Variants in MCM9 observed in about 807,000 individuals in gnomAD.
The protein encoded by MCM9 is minichromosome maintenance 9 homologous recombination repair factor, also known as DNA helicase MCM9.
In MCM9, 55 loss-of-function variants were observed where a neutral mutation model predicts 72.8. The ratio of observed to expected loss-of-function variants is 0.76; its 90% CI spans 0.61 to 0.95. The LOEUF (loss-of-function observed/expected upper bound fraction) is 0.95. Among genes scored for constraint, MCM9 ranks in the 40% least tolerant of loss-of-function variants. The pLI is 0.00. For synonymous variants in MCM9, 480 were observed against 503.4 expected, an observed-to-expected ratio of 0.95 and a Z score of 0.62; for missense variants, 1,279 against 1,377.0, an observed-to-expected ratio of 0.93 and a Z score of 1.13.
intron 9 of MCM9, among the ~76,000 whole-genome samples, chr6:118,830,457 TTAAAAAA>T (rs1333426297): frequency 2.6e-5 from 4 of 152,186 alleles, no homozygotes; most frequent in Non-Finnish European, 5.9e-5. Context: ...AAATTCCCTT[TTAAAAAA>T]TTAGTGACAA....
chr6:118,862,536 A>T (rs892186035), intron 8 of MCM9, among the ~76,000 whole-genome samples: 1 of 152,182 alleles, frequency 6.6e-6, no homozygotes, highest in Non-Finnish European at 1.5e-5. Context: ...CAGGCATTAG[A>T]TTCTCATAAG....
chr6:118,895,375 A>G (rs1341938916), intron 8 of MCM9, among the ~76,000 whole-genome samples: 1 of 152,202 alleles, frequency 6.6e-6, no homozygotes, highest in Non-Finnish European at 1.5e-5. Flanking sequence ...TGAGGTAGGA[A>G]GTTACATTTA....
chr6:118,856,299 A>G, intron 9 of MCM9, 72 bp downstream of exon 9: 1 of 1,416,982 alleles, frequency 7.1e-7, no homozygotes, highest in South Asian at 1.4e-5. Flanking sequence ...ATAGCTCAAC[A>G]AGGTTCACAT....
chr6:118,923,892 G>A lies in MCM9; in HGVS notation c.540C>T (p.Ser180=). 6.2e-7 allele frequency: 1 copy of A among 1,614,190 alleles called. No individual in the cohort carries two copies. Among genetic ancestry groups the A allele is most frequent in the Non-Finnish European group, 8.5e-7 (1 of 1,180,028 alleles). ...AGCCTGAGAGGCAAGTGAATTTAGA[G>A]GAATCACAGCTCTCCAAGCTGGGAC... ...SSCPSLESCD[S]SKFTCLSGLS... Residue 180 remains serine, a synonymous_variant, in exon 4 of 14, where the codon TCC becomes TCT. Transcript: ENST00000619706.
chr6:118,849,904 A>G (rs1776115608), intron 9 of MCM9, among the ~76,000 whole-genome samples: 1 of 151,906 alleles, frequency 6.6e-6, no homozygotes, highest in Non-Finnish European at 1.5e-5. Flanking sequence ...CATAGGAAGG[A>G]CAAATCAGAA....
intron 9 of MCM9, among the ~76,000 whole-genome samples, chr6:118,843,655 T>TATATATATACAC (rs1491542240): frequency 3.4e-4 from 13 of 38,598 alleles, no homozygotes; most frequent in African/African-American, 8.9e-4. Context: ...TATATATATA[T>TATATATATACAC]GTGTATATAT....
rs1780566325 is a variant in MCM9 at position 118,911,721 on chromosome 6, T to C, written c.1079A>G (p.Gln360Arg). The C allele has an allele frequency of 6.2e-7, 1 of 1,613,618 alleles. No individual in the cohort carries two copies. The highest frequency in any genetic ancestry group is 8.5e-7 in the Non-Finnish European group (1 of 1,179,854). ...LVGDPGTGKS[Q>R]FLKYAAKITP... ...AATCTTTGCTGCATATTTGAGGAACTGAGATTTCCCTGTGCCAGGATCCCC... is the reference window on the plus strand; with the variant it reads ...AATCTTTGCTGCATATTTGAGGAACCGAGATTTCCCTGTGCCAGGATCCCC... Residue 360 changes from glutamine to arginine, a missense_variant, in exon 8 of 14, where the codon CAG becomes CGG. By Grantham distance (43) the Gln-to-Arg change is conservative. Transcript: ENST00000619706.
intron 8 of MCM9, among the ~76,000 whole-genome samples, chr6:118,895,911 C>T (rs1020572844): frequency 6.6e-6 from 1 of 151,894 alleles, no homozygotes; most frequent in African/African-American, 2.4e-5. Flanking sequence ...AATTATAAAA[C>T]AATATATATT....
At chr6:118,844,109 T>C (rs1775695621) in intron 9 of MCM9, among the ~76,000 whole-genome samples, 1 of 151,804 alleles carries the variant, frequency 6.6e-6, no homozygotes, top group Non-Finnish European at 1.5e-5. Flanking sequence ...AAGTGTTCCC[T>C]TTGCACACTT....
chr6:118,923,268 T>C (rs9401098), intron 4 of MCM9, among the ~76,000 whole-genome samples: 11,028 of 150,928 alleles, frequency 0.073, 629 homozygotes, highest in East Asian at 0.25. Context: ...ACTCCATATC[T>C]TGTTCACTCC....
intron 9 of MCM9, among the ~76,000 whole-genome samples, chr6:118,842,083 T>C (rs1742995896): frequency 6.6e-6 from 1 of 152,226 alleles, no homozygotes; most frequent in Admixed American, 6.5e-5. Context: ...TCCACCCGCC[T>C]CTGCCTCACA....
intron 4 of MCM9, among the ~76,000 whole-genome samples, chr6:118,923,512 TTTCTTCTA>T (rs1487135228): frequency 2.0e-5 from 3 of 152,226 alleles, no homozygotes; most frequent in Non-Finnish European, 4.4e-5. Flanking sequence ...GAACATTAAT[TTTCTTCTA>T]TTCTTCAGTT....
Position 118,814,883 on chromosome 6 carries a change from C to CTGGTAAAG in MCM9, c.3365_3372dup (p.Glu1125LeufsTer5). On this transcript the variant is annotated frameshift_variant, in exon 14 of 14. Coordinates refer to ENST00000619706, the MANE Select transcript of MCM9 (RefSeq NM_017696.3). LOFTEE classifies it high-confidence loss of function. ...CAATCAAATGCTTCATCACCTAGTT[C>CTGGTAAAG]TGGTAAAGTGAAGAGGGATTCTTTG... 6.5e-7 allele frequency: 1 copy of CTGGTAAAG among 1,544,786 alleles called. No homozygotes were observed. The highest frequency in any genetic ancestry group is 8.7e-7 in the Non-Finnish European group (1 of 1,144,844).
intron 4 of MCM9, 61 bp downstream of exon 4, chr6:118,923,750 T>C (rs1045334772): frequency 1.4e-6 from 2 of 1,421,460 alleles, no homozygotes. Context: ...ATCCTCCCAA[T>C]GTGCCCATAG....
chr6:118,928,177 G>A (rs1782057713), intron 3 of MCM9, among the ~76,000 whole-genome samples: 1 of 152,182 alleles, frequency 6.6e-6, no homozygotes, highest in Non-Finnish European at 1.5e-5. Flanking sequence ...TGGGGAGGCT[G>A]AGGTGGGCGG....
At chr6:118,932,074 C>A (rs1397279501) in intron 2 of MCM9, among the ~76,000 whole-genome samples, 1 of 152,186 alleles carries the variant, frequency 6.6e-6, no homozygotes, top group African/African-American at 2.4e-5. Context: ...CATTTCCGGA[C>A]TGCACTTATA....
In MCM9 at chr6:118,931,756, GATC is replaced by G; in HGVS notation, c.-15-21_-15-19del. On this transcript the variant is annotated intron_variant, in intron 2 of 13. Coordinates refer to ENST00000619706, the MANE Select transcript of MCM9 (RefSeq NM_017696.3). ...CTAGGTAACTAAAGAAAAAAAAAAG[GATC>G]ATATTATATATTTGATACTCAAGAT... The G allele has an allele frequency of 5.9e-6, 9 of 1,523,912 alleles. No homozygotes were observed. Among genetic ancestry groups the G allele is most frequent in the Non-Finnish European group, 8.0e-6 (9 of 1,130,536 alleles). The allele number at this position is 1,523,912 out of a possible 1,614,324, so 94.4% of individuals were successfully genotyped here. A position where few individuals can be genotyped will look rare whatever the true frequency, so the allele number is the denominator to read the frequency against.
intron 8 of MCM9, chr6:118,907,682 G>GTCC: frequency 8.0e-7 from 1 of 1,255,176 alleles, no homozygotes; most frequent in Non-Finnish European, 1.1e-6. Flanking sequence ...CTGAAATTCC[G>GTCC]TAAGTACATA....
intron 8 of MCM9, among the ~76,000 whole-genome samples, chr6:118,862,992 T>G (rs1449438991): frequency 6.6e-6 from 1 of 152,172 alleles, no homozygotes; most frequent in African/African-American, 2.4e-5. Context: ...TTAAAAGAAG[T>G]TCTTCAGAGA....
Sources: gnomAD v4.1 joint callset for allele counts (sites outside exome capture counted in the v4.1 genomes callset) on GRCh38, gnomAD v4.1.1 for gene constraint, MANE v1.5 for transcripts, NCBI Gene and HGNC (gene_info 2026-07-23, HGNC 2026-07-21) for gene names.